BTBD9: variants seen among roughly 807,000 people sequenced by gnomAD.
BTBD9 encodes BTB domain containing 9.
A neutral mutation model predicts 64.3 loss-of-function variants in BTBD9; 49 were observed. The observed-to-expected ratio is 0.76, with a 90% CI of 0.61 to 0.97. The LOEUF is 0.97. Among genes scored for constraint, BTBD9 ranks in the 50% least tolerant of loss-of-function variants. The pLI is 0.00. For missense variants in BTBD9, 598 were observed against 762.1 expected (o/e 0.78, Z 2.53); for synonymous variants, 260 against 274.7 (o/e 0.95, Z 0.53).
intron 6 of BTBD9, among the ~76,000 whole-genome samples, chr6:38,349,436 C>T (rs1159226730): frequency 6.6e-6 from 1 of 152,048 alleles, no homozygotes; most frequent in Non-Finnish European, 1.5e-5. Context: ...GTTTTGCTTT[C>T]TATAGTTTCA....
chr6:38,423,481 T>A (rs1768000443), intron 6 of BTBD9, among the ~76,000 whole-genome samples: 1 of 151,978 alleles, frequency 6.6e-6, no homozygotes, highest in African/African-American at 2.4e-5. Context: ...ATTTTTAAAT[T>A]TTTTGGAGAG....
chr6:38,275,194 C>A (rs926664503), intron 8 of BTBD9, among the ~76,000 whole-genome samples: 4 of 152,140 alleles, frequency 2.6e-5, no homozygotes, highest in Non-Finnish European at 4.4e-5. Context: ...TATAACGCCA[C>A]ATATCTACAA....
chr6:38,302,485 G>GTATGTGTGTGTGTGTGTATATATATA (rs1384155514), intron 7 of BTBD9, among the ~76,000 whole-genome samples: 19 of 106,906 alleles, frequency 1.8e-4, no homozygotes, highest in African/African-American at 6.7e-4. Flanking sequence ...TTGTGTGTAT[G>GTATGTGTGTGTGTGTGTATATATATA]TATATATATA....
rs150131916 is a variant in BTBD9, at chr6:38,574,077, G to C, written c.1154+3523C>G. ...TCCATCTCCAGTTAAAGGCTGAAGA[G>C]GATAACTGGTCTAAGCTTTTGGCTA... is the stretch of plus-strand genomic sequence containing the variant. On this transcript the variant is annotated intron_variant, in intron 6 of 10. Transcript: ENST00000481247. Among the ~76,000 whole-genome samples the C allele has an allele frequency of 1.3e-3, 197 of 152,290 alleles. 1 individual carries two copies. Among genetic ancestry groups the C allele is most frequent in the African/African-American group, 4.5e-3 (188 of 41,574 alleles).
intron 6 of BTBD9, among the ~76,000 whole-genome samples, chr6:38,347,850 A>G (rs1303849587): frequency 6.6e-6 from 1 of 152,178 alleles, no homozygotes; most frequent in Non-Finnish European, 1.5e-5. Context: ...TACAAAAATT[A>G]GCCAGGCTTG....
At chr6:38,290,459 C>T (rs1761914016) in intron 7 of BTBD9, among the ~76,000 whole-genome samples, 1 of 151,986 alleles carries the variant, frequency 6.6e-6, no homozygotes, top group Non-Finnish European at 1.5e-5. Flanking sequence ...TGAGCTGAGA[C>T]ATAACACTGT....
chr6:38,568,133 CATT>C (rs1370928169), intron 6 of BTBD9, among the ~76,000 whole-genome samples: 14 of 152,312 alleles, frequency 9.2e-5, no homozygotes, highest in African/African-American at 3.4e-4. Context: ...TCAGAGCAAT[CATT>C]GTTAAGTAGT....
At chr6:38,574,698 C>T (rs1207174802) in intron 6 of BTBD9, among the ~76,000 whole-genome samples, 1 of 152,170 alleles carries the variant, frequency 6.6e-6, no homozygotes, top group African/African-American at 2.4e-5. Context: ...TGTTGGTATT[C>T]CTATTCTTTA....
chr6:38,602,586 G>A (rs1316890135), intron 1 of BTBD9, among the ~76,000 whole-genome samples: 1 of 151,910 alleles, frequency 6.6e-6, no homozygotes, highest in Admixed American at 6.6e-5. Flanking sequence ...TTTACATAGT[G>A]CACTACATAC....
At chr6:38,530,655 TC>T (rs924256110) in intron 6 of BTBD9, among the ~76,000 whole-genome samples, 8 of 151,902 alleles carry the variant, frequency 5.3e-5, no homozygotes, top group Non-Finnish European at 8.8e-5. Flanking sequence ...CAGAGACCAA[TC>T]CTGGAGAGAC....
intron 6 of BTBD9, among the ~76,000 whole-genome samples, chr6:38,495,938 G>C (rs1771936960): frequency 6.6e-6 from 1 of 152,180 alleles, no homozygotes; most frequent in Non-Finnish European, 1.5e-5. Context: ...GTAAGAAATG[G>C]TATGGGAGTC....
chr6:38,591,331 A>G lies in BTBD9; in HGVS notation c.814+1245T>C, dbSNP rs141999716. On this transcript the variant is annotated intron_variant, in intron 4 of 10. Coordinates refer to ENST00000481247, the MANE Select transcript of BTBD9 (RefSeq NM_001099272.2). ...ATTCTTCCCATCTGAAATTCACCCAACTCTTATACTATTCAAATCAAATGT... is the reference window on the plus strand; with the variant it reads ...ATTCTTCCCATCTGAAATTCACCCAGCTCTTATACTATTCAAATCAAATGT... Among the ~76,000 whole-genome samples, 42 of 152,044 alleles carry G rather than the reference A, an allele frequency of 2.8e-4. No homozygotes were observed. In the East Asian group the frequency reaches 7.9e-3, roughly 29 times the overall value.
intron 6 of BTBD9, among the ~76,000 whole-genome samples, chr6:38,436,672 G>C (rs1025176433): frequency 4.7e-5 from 7 of 150,014 alleles, no homozygotes; most frequent in Admixed American, 2.0e-4. Context: ...CACCACACCT[G>C]GCCCAAATTC....
chr6:38,310,956 C>G (rs1408724476), intron 7 of BTBD9, among the ~76,000 whole-genome samples: 1 of 152,106 alleles, frequency 6.6e-6, no homozygotes, highest in Non-Finnish European at 1.5e-5. Flanking sequence ...TACAGGCAGG[C>G]GCCACCTCAC....
chr6:38,371,355 T>C (rs1462465777), intron 6 of BTBD9, among the ~76,000 whole-genome samples: 3 of 152,088 alleles, frequency 2.0e-5, no homozygotes, highest in African/African-American at 7.2e-5. Flanking sequence ...CAGGCAGCAA[T>C]AAATAAAATC....
intron 7 of BTBD9, among the ~76,000 whole-genome samples, chr6:38,291,501 G>T (rs1179242852): frequency 6.6e-6 from 1 of 152,152 alleles, no homozygotes; most frequent in African/African-American, 2.4e-5. Flanking sequence ...TCTCTAGCCT[G>T]ATTGCCCTGG....
At chr6:38,436,554 TTA>T (rs1176379438) in intron 6 of BTBD9, among the ~76,000 whole-genome samples, 1 of 151,770 alleles carries the variant, frequency 6.6e-6, no homozygotes, top group Non-Finnish European at 1.5e-5. Context: ...TTTTGTATTT[TTA>T]GTAGAGACGG....
intron 6 of BTBD9, among the ~76,000 whole-genome samples, chr6:38,427,576 G>A (rs1037891608): frequency 3.3e-5 from 5 of 151,924 alleles, no homozygotes; most frequent in Non-Finnish European, 7.3e-5. Context: ...AGAAATGCTG[G>A]AGTTTTGTTT....
chr6:38,458,709 C>A (rs955719610), intron 6 of BTBD9, among the ~76,000 whole-genome samples: 2 of 152,196 alleles, frequency 1.3e-5, no homozygotes, highest in Admixed American at 1.3e-4. Flanking sequence ...AAACAACACA[C>A]ACAAAATCTC....
Sources: allele counts gnomAD v4.1 joint callset (sites outside exome capture counted in the v4.1 genomes callset), GRCh38; gene constraint gnomAD v4.1.1; transcripts MANE v1.5; gene names NCBI Gene and HGNC (gene_info 2026-07-23, HGNC 2026-07-21).